Variants in TOX3 observed in about 807,000 individuals in gnomAD.
TOX3 encodes the protein CAG trinucleotide repeat-containing gene F9 protein.
In TOX3, 22 loss-of-function variants were observed where a neutral mutation model predicts 64.3. The observed-to-expected ratio is 0.34, with a 90% CI of 0.24 to 0.49. The LOEUF is 0.49. Ranked by LOEUF, TOX3 falls within the 20% of genes least tolerant of loss-of-function variation. The pLI is 0.99. For synonymous variants in TOX3, 291 were observed against 273.6 expected (o/e 1.06, Z -0.63); for missense variants, 661 against 714.4 (o/e 0.93, Z 0.85).
At chr16:52,446,492 A>G (rs1484952080) in intron 4 of TOX3, among the ~76,000 whole-genome samples, 1 of 152,200 alleles carries the variant, frequency 6.6e-6, no homozygotes, top group Non-Finnish European at 1.5e-5. Flanking sequence ...GAAAAACAGA[A>G]CACTCTGTAC....
intron 2 of TOX3, 137 bp from the exon 3 acceptor site, chr16:52,464,325 T>A (rs1363895052): frequency 3.0e-6 from 3 of 1,007,436 alleles, no homozygotes; most frequent in Non-Finnish European, 4.0e-6. Flanking sequence ...AATGAAAATA[T>A]CTTAAACACA....
At chr16:52,441,257 C>T (rs1393432407) in intron 6 of TOX3, among the ~76,000 whole-genome samples, 1 of 152,174 alleles carries the variant, frequency 6.6e-6, no homozygotes, top group Non-Finnish European at 1.5e-5. Context: ...TAACAAGGTT[C>T]ACTCAAGTAT....
chr16:52,468,588 G>C lies in TOX3; in HGVS notation c.88-14C>G. ...ATTATTTCCAAACTGAAAGAAAACA[G>C]ATTGTTTTACGTTAATATGCGGCAT... On this transcript the variant is annotated splice_polypyrimidine_tract_variant and intron_variant, in intron 1 of 6. Coordinates refer to ENST00000219746, the MANE Select transcript of TOX3 (RefSeq NM_001080430.4). The C allele has an allele frequency of 1.3e-6, 2 of 1,599,336 alleles. No homozygotes were observed. Among genetic ancestry groups the C allele is most frequent in the South Asian group, 2.2e-5 (2 of 90,088 alleles).
intron 1 of TOX3, among the ~76,000 whole-genome samples, chr16:52,540,783 C>T (rs1963061641): frequency 6.6e-6 from 1 of 152,160 alleles, no homozygotes; most frequent in Admixed American, 6.5e-5. Context: ...GCTACAGCAG[C>T]CAACTTGTAG....
At chr16:52,463,809 A>G in intron 3 of TOX3, 125 bp downstream of exon 3, 2 of 1,202,150 alleles carry the variant, frequency 1.7e-6, no homozygotes, top group East Asian at 5.7e-5. Context: ...ACCTGCATGT[A>G]AATAGCACTA....
intron 4 of TOX3, 142 bp downstream of exon 4, chr16:52,450,134 AG>A (rs1402163755): frequency 1.0e-6 from 1 of 998,482 alleles, no homozygotes; most frequent in Non-Finnish European, 1.5e-6. Context: ...GAAAGAGTGA[AG>A]AAAAACAACA....
chr16:52,485,271 T>TATATATAC (rs1438971784), intron 1 of TOX3, among the ~76,000 whole-genome samples: 10 of 145,568 alleles, frequency 6.9e-5, no homozygotes, highest in African/African-American at 2.3e-4. Context: ...TATATATATA[T>TATATATAC]ACATATCTCC....
intron 3 of TOX3, among the ~76,000 whole-genome samples, chr16:52,457,799 A>C (rs1359101675): frequency 6.6e-6 from 1 of 152,324 alleles, no homozygotes; most frequent in East Asian, 1.9e-4. Context: ...ACAGACCTGC[A>C]TACCACCACC....
chr16:52,502,144 G>A (rs1962021283), intron 1 of TOX3, among the ~76,000 whole-genome samples: 1 of 152,178 alleles, frequency 6.6e-6, no homozygotes, highest in African/African-American at 2.4e-5. Context: ...AAGACAAACA[G>A]CTAAGCACTT....
intron 1 of TOX3, among the ~76,000 whole-genome samples, chr16:52,484,885 A>C (rs78234551): frequency 6.6e-6 from 1 of 152,022 alleles, no homozygotes; most frequent in Non-Finnish European, 1.5e-5. Context: ...GCAATCCCAG[A>C]ACTGGGTATC....
At position 52,490,626 on chromosome 16, in the gene TOX3, ATTTT is replaced by A. The variant is rs3086679; in HGVS notation, c.88-22056_88-22053del. ...ACTGAGACCTTCCTTCTAGGATGTA[ATTTT>A]TTTTTTTTTTTTTTTTTAATACAGG... On this transcript the variant is annotated intron_variant, in intron 1 of 6. Coordinates refer to ENST00000219746, the MANE Select transcript of TOX3 (RefSeq NM_001080430.4). Among the ~76,000 whole-genome samples, 24 of 99,056 alleles carry A rather than the reference ATTTT, an allele frequency of 2.4e-4. 2 individuals carry two copies. Among genetic ancestry groups the A allele is most frequent in the African/African-American group, 2.6e-4 (6 of 23,050 alleles). 65.0% of individuals were successfully genotyped at this position (99,056 alleles called of 152,430 possible).
chr16:52,476,666 C>T (rs1961216641), intron 1 of TOX3, among the ~76,000 whole-genome samples: 1 of 152,144 alleles, frequency 6.6e-6, no homozygotes, highest in South Asian at 2.1e-4. Flanking sequence ...GAAGTGACTA[C>T]ATCTTTTGTG....
At chr16:52,543,603 T>A (rs1373017690) in intron 1 of TOX3, among the ~76,000 whole-genome samples, 2 of 152,186 alleles carry the variant, frequency 1.3e-5, no homozygotes, top group Non-Finnish European at 2.9e-5. Context: ...GAAAAAGAAA[T>A]GTTCAAACAG....
intron 1 of TOX3, among the ~76,000 whole-genome samples, chr16:52,523,324 G>T (rs1376152299): frequency 6.6e-6 from 1 of 152,150 alleles, no homozygotes; most frequent in Admixed American, 6.5e-5. Flanking sequence ...AGTCAGACAG[G>T]CCTTGATGAG....
chr16:52,502,026 A>AG (rs1316813406), intron 1 of TOX3, among the ~76,000 whole-genome samples: 2 of 152,328 alleles, frequency 1.3e-5, no homozygotes, highest in East Asian at 1.9e-4. Context: ...CATGCCAATG[A>AG]GGGAAAAAGT....
intron 1 of TOX3, among the ~76,000 whole-genome samples, chr16:52,475,353 G>T (rs1961177344): frequency 6.6e-6 from 1 of 152,142 alleles, no homozygotes; most frequent in Non-Finnish European, 1.5e-5. Context: ...TCCAGACACA[G>T]AACTTGAAAT....
intron 3 of TOX3, among the ~76,000 whole-genome samples, chr16:52,453,799 T>A (rs1427531926): frequency 6.6e-6 from 1 of 152,360 alleles, no homozygotes; most frequent in East Asian, 1.9e-4. Flanking sequence ...CTTGGCTTTG[T>A]CAGCCCTTCC....
chr16:52,465,470 GTTTTTTTT>G (rs34739813), intron 2 of TOX3, among the ~76,000 whole-genome samples: 2 of 103,996 alleles, frequency 1.9e-5, no homozygotes, highest in Non-Finnish European at 3.9e-5. Context: ...TTTCTTTTTG[GTTTTTTTT>G]TTTTTTTTTT....
Position 52,516,855 on chromosome 16 carries a change from A to T in TOX3, c.87+29782T>A, listed in dbSNP as rs1242450219. ...TGTTCACAACTGTACATGTTTGTCA[A>T]AACTTACCAATAGCACATTTAAAAT... On this transcript the variant is annotated intron_variant, in intron 1 of 6. Transcript: ENST00000219746. 2.6e-5 allele frequency among the ~76,000 whole-genome samples: 4 copies of T among 152,174 alleles called. No individual in the cohort carries two copies. In the East Asian group the frequency reaches 7.7e-4, roughly 29 times the overall value.
Sources: gnomAD v4.1 joint callset for allele counts (sites outside exome capture counted in the v4.1 genomes callset) on GRCh38, gnomAD v4.1.1 for gene constraint, MANE v1.5 for transcripts, NCBI Gene and HGNC (gene_info 2026-07-23, HGNC 2026-07-21) for gene names.